B9D1: variants seen among roughly 807,000 people sequenced by gnomAD.
B9D1 encodes the protein B9 domain containing 1.
Under a neutral mutation model 26.1 loss-of-function variants are expected in B9D1, and 20 were observed. That is an observed-to-expected ratio of 0.77 (90% CI 0.54 to 1.12). The LOEUF (loss-of-function observed/expected upper bound fraction) is 1.12, where lower values mean the gene tolerates loss of function less well. Ranked by LOEUF, B9D1 falls within the 50% of genes most tolerant of loss-of-function variation. The pLI is 0.00. For synonymous variants in B9D1, 105 were observed against 103.1 expected, an observed-to-expected ratio of 1.02 and a Z score of -0.11; for missense variants, 260 against 273.7, an observed-to-expected ratio of 0.95 and a Z score of 0.35.
At chr17:19,335,349 A>C (rs1042367454), downstream of B9D1, 1 of 1,508,724 alleles carries the variant, frequency 6.6e-7, no homozygotes, top group Non-Finnish European at 8.9e-7. Flanking sequence ...AAAAAAATCT[A>C]ATGTATGAAT....
At chr17:19,361,024 C>T (rs139708031) in intron 1 of B9D1, among the ~76,000 whole-genome samples, 31 of 152,216 alleles carry the variant, frequency 2.0e-4, no homozygotes, top group East Asian at 1.2e-3. Flanking sequence ...AGATCAGTGG[C>T]GGCATTAGAT....
intron 3 of B9D1, among the ~76,000 whole-genome samples, chr17:19,348,763 G>A (rs1240024729): frequency 6.6e-6 from 1 of 152,174 alleles, no homozygotes; most frequent in Non-Finnish European, 1.5e-5. Flanking sequence ...TTATACAAAA[G>A]GAATTATACA....
At chr17:19,377,795 T>C in intron 1 of B9D1, 10 of 980,446 alleles carry the variant, frequency 1.0e-5, no homozygotes, top group Non-Finnish European at 1.2e-5. Context: ...GCCGCCTCGG[T>C]TAACTCCGCT....
upstream of B9D1, among the ~76,000 whole-genome samples, chr17:19,363,248 C>T (rs1027580850): frequency 1.3e-5 from 2 of 152,202 alleles, no homozygotes; most frequent in African/African-American, 4.8e-5. Context: ...GGAGGGACCT[C>T]AAGAATCCTT....
At chr17:19,366,471 C>A (rs188689492), upstream of B9D1, among the ~76,000 whole-genome samples, 2 of 152,150 alleles carry the variant, frequency 1.3e-5, no homozygotes, top group Non-Finnish European at 2.9e-5. Context: ...CTCTTTACAC[C>A]CCCACGAAGT....
intron 1 of B9D1, among the ~76,000 whole-genome samples, chr17:19,373,843 A>G (rs1412861086): frequency 1.3e-5 from 2 of 152,282 alleles, no homozygotes; most frequent in South Asian, 2.1e-4. Context: ...CTGTCTTTTA[A>G]TCAAGGCATG....
chr17:19,341,414 G>A, downstream of B9D1: 7 of 976,850 alleles, frequency 7.2e-6, no homozygotes, highest in Non-Finnish European at 7.9e-6. Flanking sequence ...GGCACATGTG[G>A]AGGCTGGCGT....
intron 3 of B9D1, among the ~76,000 whole-genome samples, chr17:19,351,555 C>T (rs1909607475): frequency 1.3e-5 from 2 of 152,080 alleles, no homozygotes; most frequent in Admixed American, 6.6e-5. Context: ...GTAAATCTGT[C>T]GTTACTTCCT....
At chr17:19,356,246 C>G (rs1910339334) in intron 3 of B9D1, among the ~76,000 whole-genome samples, 1 of 152,048 alleles carries the variant, frequency 6.6e-6, no homozygotes, top group Non-Finnish European at 1.5e-5. Context: ...CGCCCACCCC[C>G]ATGCCAAGCT....
chr17:19,339,727 T>C (rs946304181), downstream of B9D1, among the ~76,000 whole-genome samples: 1 of 152,162 alleles, frequency 6.6e-6, no homozygotes, highest in South Asian at 2.1e-4. Flanking sequence ...ATGATGCTGC[T>C]TTCTTCAATG....
intron 1 of B9D1, among the ~76,000 whole-genome samples, chr17:19,369,840 G>C (rs544061149): frequency 6.6e-6 from 1 of 152,138 alleles, no homozygotes; most frequent in African/African-American, 2.4e-5. Flanking sequence ...TGGAAGACTC[G>C]CTGTGTGATT....
At chr17:19,349,795 A>C (rs1909343707) in intron 3 of B9D1, among the ~76,000 whole-genome samples, 1 of 152,164 alleles carries the variant, frequency 6.6e-6, no homozygotes, top group South Asian at 2.1e-4. Context: ...TAATATAGTC[A>C]ACTTCATTGA....
At position 19,370,717 on chromosome 17, in the gene B9D1, C is replaced by T. The variant is rs942230023; in HGVS notation, c.-298+7142G>A. 2.6e-5 allele frequency among the ~76,000 whole-genome samples: 4 copies of T among 152,172 alleles called. No individual in the cohort carries two copies. Among genetic ancestry groups the T allele is most frequent in the South Asian group, 4.1e-4 (2 of 4,828 alleles). On this transcript the variant is annotated intron_variant, in intron 1 of 5. Coordinates refer to the B9D1 transcript ENST00000477478. The surrounding 1 kb of genome is among the most constrained non-coding windows in gnomAD (Gnocchi z 5.1). ...CGAGAGGTGTCTGGAGCCATCTGGCCGTGAGGTCAGCCACCCAGCCAGGCC... is the reference window on the plus strand; with the variant it reads ...CGAGAGGTGTCTGGAGCCATCTGGCTGTGAGGTCAGCCACCCAGCCAGGCC...
At chr17:19,376,081 T>G (rs1315614912) in intron 1 of B9D1, among the ~76,000 whole-genome samples, 1 of 152,204 alleles carries the variant, frequency 6.6e-6, no homozygotes, top group Non-Finnish European at 1.5e-5. Context: ...CAACATGAAC[T>G]TTATGCTAAG....
upstream of B9D1, chr17:19,363,671 G>GGGA (rs1314232474): frequency 6.6e-6 from 1 of 152,244 alleles, no homozygotes; most frequent in Non-Finnish European, 1.5e-5. Context: ...GGGATTCACA[G>GGGA]GTGTGTAGAC....
chr17:19,347,109 C>A lies in B9D1; in HGVS notation c.404+160G>T, dbSNP rs758979736. The A allele has an allele frequency of 4.5e-6, 7 of 1,571,754 alleles. No individual in the cohort carries two copies. The highest frequency in any genetic ancestry group is 1.4e-5 in the African/African-American group (1 of 73,994). On this transcript the variant is annotated intron_variant, in intron 5 of 6. Coordinates refer to ENST00000261499, the MANE Select transcript of B9D1 (RefSeq NM_015681.6). This position sits in a 1 kb window ranked among gnomAD's most constrained non-coding sequence, Gnocchi z 4.3. Reference sequence around the variant, plus strand: ...GCTGGAACAGGGCTGAAGGGAGCCCCGTGACTCAGCACTCCCAGGGGACCT... The same window carrying A: ...GCTGGAACAGGGCTGAAGGGAGCCCAGTGACTCAGCACTCCCAGGGGACCT...
upstream of B9D1, among the ~76,000 whole-genome samples, chr17:19,365,496 AG>A (rs1258918695): frequency 1.3e-5 from 2 of 152,238 alleles, no homozygotes; most frequent in Non-Finnish European, 2.9e-5. This position sits in a 1 kb window ranked among gnomAD's most constrained non-coding sequence, Gnocchi z 5.0. Context: ...CCAGGTGTCC[AG>A]GAAGATGCTG....
At chr17:19,336,351 G>A (rs1907444857), downstream of B9D1, 2 of 152,350 alleles carry the variant, frequency 1.3e-5, no homozygotes, top group African/African-American at 2.4e-5. Flanking sequence ...TTACAGGTCA[G>A]TAGACTAGAC....
downstream of B9D1, among the ~76,000 whole-genome samples, chr17:19,340,244 C>T (rs1907810999): frequency 6.6e-6 from 1 of 152,030 alleles, no homozygotes; most frequent in African/African-American, 2.4e-5. Context: ...AGTCTTGGCT[C>T]ACTGCAACCT....
Sources: gnomAD v4.1 joint callset for allele counts (sites outside exome capture counted in the v4.1 genomes callset) on GRCh38, gnomAD v4.1.1 for gene constraint, Gnocchi (gnomAD v3.1) non-coding constraint, MANE v1.5 for transcripts, NCBI Gene and HGNC (gene_info 2026-07-23, HGNC 2026-07-21) for gene names.